SNORC: variants seen among roughly 807,000 people sequenced by gnomAD.
SNORC encodes secondary ossification center associated regulator of chondrocyte maturation, also known as protein SNORC.
A neutral mutation model predicts 9.7 loss-of-function variants in SNORC; 11 were observed. That is an observed-to-expected ratio of 1.14 (90% CI 0.72 to 1.88). The LOEUF (loss-of-function observed/expected upper bound fraction) is 1.88, where lower values mean the gene tolerates loss of function less well. Among genes scored for constraint, SNORC ranks in the 40% most tolerant of loss-of-function variants. The probability of loss-of-function intolerance (pLI) is 0.00; values close to 1 mark genes in which losing one functional copy is unlikely to be tolerated. For synonymous variants in SNORC, 108 were observed against 88.7 expected (o/e 1.22, Z -1.22); for missense variants, 197 against 173.1 (o/e 1.14, Z -0.77).
upstream of SNORC, among the ~76,000 whole-genome samples, chr2:232,867,220 T>G (rs1690895766): frequency 6.6e-6 from 1 of 152,258 alleles, no homozygotes. Flanking sequence ...ATCACCTGTC[T>G]GTCGAATGAC....
downstream of SNORC, chr2:232,877,053 T>C: frequency 1.0e-6 from 1 of 985,712 alleles, no homozygotes; most frequent in Non-Finnish European, 1.2e-6. Flanking sequence ...ACGTCTTGAC[T>C]CTGAGTCCTG....
downstream of SNORC, chr2:232,876,668 G>T (rs1281738383): frequency 2.0e-6 from 2 of 1,007,074 alleles, no homozygotes; most frequent in Non-Finnish European, 2.4e-6. This position sits in a 1 kb window ranked among gnomAD's most constrained non-coding sequence, Gnocchi z 6.8. Context: ...CGTGCACCAC[G>T]GCTGGAGTGC....
chr2:232,876,578 C>T (rs552229157), downstream of SNORC: 94 of 1,148,274 alleles, frequency 8.2e-5, no homozygotes, highest in Middle Eastern at 1.1e-3. The surrounding 1 kb of genome is among the most constrained non-coding windows in gnomAD (Gnocchi z 6.8). Flanking sequence ...CCGGGGCGTG[C>T]GTGAGCGCAC....
upstream of SNORC, among the ~76,000 whole-genome samples, chr2:232,868,097 C>T (rs906899830): frequency 6.6e-6 from 1 of 151,456 alleles, no homozygotes; most frequent in African/African-American, 2.4e-5. Context: ...CATTAGTAGA[C>T]TGGCTGGCTG....
At chr2:232,872,422 C>A (rs812383) in intron 1 of SNORC, among the ~76,000 whole-genome samples, 94,876 of 152,070 alleles carry the variant, frequency 0.62, 29,899 homozygotes, top group African/African-American at 0.67. Context: ...GGTCAGAACA[C>A]ACTTATTTAC....
chr2:232,878,043 G>A (rs1691342026), downstream of SNORC: 1 of 152,238 alleles, frequency 6.6e-6, no homozygotes, highest in African/African-American at 2.4e-5. Context: ...CCCTCACTGG[G>A]ACCAGGGGGC....
At chr2:232,871,366 A>C (rs1219447185) in intron 1 of SNORC, among the ~76,000 whole-genome samples, 1 of 152,142 alleles carries the variant, frequency 6.6e-6, no homozygotes, top group African/African-American at 2.4e-5. Context: ...AAGAAGCTTG[A>C]GGCCAGGGTG....
At chr2:232,873,625 C>T (rs564456725) in intron 1 of SNORC, among the ~76,000 whole-genome samples, 1 of 152,272 alleles carries the variant, frequency 6.6e-6, no homozygotes, top group African/African-American at 2.4e-5. Flanking sequence ...GTCATTTGTC[C>T]ATTTCTTTGG....
chr2:232,870,358 C>T lies in SNORC; in HGVS notation c.17C>T (p.Ala6Val), dbSNP rs530709180. The T allele has an allele frequency of 1.2e-5, 19 of 1,564,210 alleles. No individual in the cohort carries two copies. The South Asian group carries it at 2.1e-4, about 17-fold the overall frequency. ...CCGGCCAGGATGGCATCCTGTCTGG[C>T]CCTGCGCATGGCGCTGCTGCTGGTC... is the stretch of plus-strand genomic sequence containing the variant. Residue 6 changes from alanine to valine, a missense_variant, in exon 1 of 3, where the codon GCC becomes GTC. Coordinates refer to ENST00000331342, the Ensembl canonical transcript of SNORC.
chr2:232,870,632 C>A (rs150320593), intron 1 of SNORC, among the ~76,000 whole-genome samples: 1 of 152,234 alleles, frequency 6.6e-6, no homozygotes, highest in Non-Finnish European at 1.5e-5. Flanking sequence ...GGATAATGGC[C>A]TCTGGAGAAG....
intron 1 of SNORC, among the ~76,000 whole-genome samples, chr2:232,872,869 G>A (rs893548404): frequency 2.3e-4 from 35 of 152,228 alleles, no homozygotes; most frequent in African/African-American, 8.2e-4. Flanking sequence ...GATAAGAAGT[G>A]CCTCGGCCCC....
At chr2:232,877,157 CG>C (rs1484841130), downstream of SNORC, 1 of 985,468 alleles carries the variant, frequency 1.0e-6, no homozygotes, top group East Asian at 1.1e-4. Context: ...GAGTCGACGC[CG>C]GACACGGCCC....
chr2:232,873,176 G>A (rs952176831), intron 1 of SNORC, among the ~76,000 whole-genome samples: 1 of 152,234 alleles, frequency 6.6e-6, no homozygotes, highest in African/African-American at 2.4e-5. Flanking sequence ...CAAGATGCTT[G>A]ACAGCATAGT....
chr2:232,870,407 G>A (rs1224546415), exon 1 of SNORC: 3 of 1,569,230 alleles, frequency 1.9e-6, no homozygotes, highest in Non-Finnish European at 2.6e-6. Flanking sequence ...CCCCTGCGGT[G>A]CTCACAGGTA....
downstream of SNORC, chr2:232,877,316 G>C (rs370534490): frequency 6.1e-6 from 6 of 985,328 alleles, no homozygotes; most frequent in East Asian, 5.7e-4. Flanking sequence ...GTGAGGGTGA[G>C]GAGCCTGGTC....
chr2:232,874,787 G>A (rs1313136562), intron 1 of SNORC, among the ~76,000 whole-genome samples: 1 of 152,218 alleles, frequency 6.6e-6, no homozygotes, highest in Non-Finnish European at 1.5e-5. Flanking sequence ...TTCACAGAAC[G>A]GCAGCCTCCC....
At chr2:232,871,497 G>A (rs558986644) in intron 1 of SNORC, among the ~76,000 whole-genome samples, 14 of 152,310 alleles carry the variant, frequency 9.2e-5, no homozygotes, top group East Asian at 3.9e-4. Context: ...GAGTTCAGAC[G>A]TGCGGAGCTT....
At chr2:232,877,210 C>T, downstream of SNORC, 1 of 985,494 alleles carries the variant, frequency 1.0e-6, no homozygotes, top group African/African-American at 1.7e-5. Context: ...GGCTGGGGGC[C>T]GGCAGCCCCC....
chr2:232,872,426 T>C (rs1691061009), intron 1 of SNORC, among the ~76,000 whole-genome samples: 1 of 152,120 alleles, frequency 6.6e-6, no homozygotes, highest in African/African-American at 2.4e-5. Flanking sequence ...AGAACACACT[T>C]ATTTACCAAA....
Sources: gnomAD v4.1 joint callset for allele counts (sites outside exome capture counted in the v4.1 genomes callset) on GRCh38, gnomAD v4.1.1 for gene constraint, Gnocchi (gnomAD v3.1) non-coding constraint, MANE v1.5 for transcripts, NCBI Gene and HGNC (gene_info 2026-07-23, HGNC 2026-07-21) for gene names.